Variants in DLST observed in about 807,000 individuals in gnomAD.
DLST encodes the protein dihydrolipoamide S-succinyltransferase.
DLST carries 17 observed loss-of-function variants against 53.1 expected under a neutral mutation model. The ratio of observed to expected loss-of-function variants is 0.32; its 90% CI spans 0.22 to 0.48. The LOEUF is 0.48. Among genes scored for constraint, DLST ranks in the 20% least tolerant of loss-of-function variants. The probability of loss-of-function intolerance (pLI) is 0.99; values close to 1 mark genes in which losing one functional copy is unlikely to be tolerated. For synonymous variants in DLST, 206 were observed against 204.8 expected (o/e 1.01, Z -0.05); for missense variants, 512 against 583.9 (o/e 0.88, Z 1.27).
intron 2 of DLST, among the ~76,000 whole-genome samples, chr14:74,883,375 A>T (rs769094907): frequency 2.2e-4 from 33 of 152,094 alleles, no homozygotes; most frequent in Non-Finnish European, 4.6e-4. Flanking sequence ...AGAGAATGGC[A>T]TTCACAAAGA....
rs112167935 is a variant in DLST at position 74,895,614 on chromosome 14, T to TG, written c.770+1206dup. On this transcript the variant is annotated intron_variant, in intron 10 of 14. Coordinates refer to ENST00000334220, the MANE Select transcript of DLST (RefSeq NM_001933.5). ...ACATAAAATTTAAAAATTAGCCAAG[T>TG]GAGGGCTGGGTGCGGTGGCTTGCGC... 4.3e-3 allele frequency among the ~76,000 whole-genome samples: 655 copies of TG among 151,966 alleles called. 3 individuals are homozygous for TG. The highest frequency in any genetic ancestry group is 0.015 in the African/African-American group (634 of 41,460).
chr14:74,892,447 A>T (rs1883941213), intron 7 of DLST, among the ~76,000 whole-genome samples: 1 of 152,102 alleles, frequency 6.6e-6, no homozygotes, highest in South Asian at 2.1e-4. Context: ...AAAATAGAGG[A>T]TGAAGAGTAT....
intron 2 of DLST, among the ~76,000 whole-genome samples, chr14:74,883,004 T>C (rs1883581899): frequency 6.6e-6 from 1 of 152,182 alleles, no homozygotes; most frequent in African/African-American, 2.4e-5. Context: ...ACTTAAAAGT[T>C]ATGGCCATGG....
intron 2 of DLST, among the ~76,000 whole-genome samples, chr14:74,883,460 G>C (rs1883601011): frequency 6.6e-6 from 1 of 152,154 alleles, no homozygotes; most frequent in African/African-American, 2.4e-5. Context: ...TTTTGGTTAA[G>C]GGAGAGAGTG....
In DLST at chr14:74,902,308, G is replaced by C. The variant is rs754135515; in HGVS notation, c.1340G>C (p.Arg447Thr). 6.2e-7 allele frequency: 1 copy of C among 1,612,278 alleles called. No individual in the cohort carries two copies. Among genetic ancestry groups the C allele is most frequent in the African/African-American group, 1.3e-5 (1 of 74,874 alleles). The change falls in exon 15 of 15, where the codon AGA (arginine) becomes ACA (threonine). Residue 447 changes from arginine (R) to threonine (T), a missense_variant. Around this residue, in one of 4 missense-constraint regions of DLST, gnomAD observed 186 missense variants for 260.4 expected, o/e 0.71. Coordinates refer to ENST00000334220, the MANE Select transcript of DLST (RefSeq NM_001933.5). ...ATCAAGGCAGCGGTAGAGGATCCCA[G>C]AGTCCTCCTCCTGGATCTTTAGGAG... The part of the protein sequence containing the change: ...RKIKAAVEDP[R>T]VLLLDL
intron 11 of DLST, 126 bp from the exon 12 acceptor site, chr14:74,899,797 C>T (rs1265428473): frequency 1.5e-6 from 1 of 676,316 alleles, no homozygotes; most frequent in East Asian, 2.6e-5. Flanking sequence ...CAGTGGTGTT[C>T]ATGGTGGTTG....
intron 9 of DLST, 74 bp downstream of exon 9, chr14:74,893,498 A>G (rs2140196014): frequency 6.6e-7 from 1 of 1,525,770 alleles, no homozygotes; most frequent in Non-Finnish European, 9.1e-7. Flanking sequence ...GGGTGTGGTG[A>G]TGCCTACCTT....
intron 10 of DLST, among the ~76,000 whole-genome samples, chr14:74,897,010 A>G (rs144971094): frequency 1.5e-4 from 23 of 152,194 alleles, no homozygotes; most frequent in South Asian, 1.2e-3. Flanking sequence ...CCCTTCCTCT[A>G]TTGTCCCAGC....
At chr14:74,882,564 C>A (rs779681114) in intron 1 of DLST, 27 bp from the exon 2 acceptor site, 36 of 1,612,072 alleles carry the variant, frequency 2.2e-5, no homozygotes, top group Admixed American at 5.0e-5. Flanking sequence ...TCTTGGGTGA[C>A]GTCGATAATG....
At chr14:74,889,387 T>TG (rs397973395) in intron 5 of DLST, 38 bp downstream of exon 5, 6 of 1,430,278 alleles carry the variant, frequency 4.2e-6, no homozygotes, top group Admixed American at 2.0e-5. Flanking sequence ...TTTTTTTTTT[T>TG]GAGACAGAGT....
At chr14:74,898,770 C>G (rs1025944047) in intron 11 of DLST, among the ~76,000 whole-genome samples, 16 of 152,334 alleles carry the variant, frequency 1.1e-4, no homozygotes, top group African/African-American at 3.6e-4. Flanking sequence ...GCCCAGCTCT[C>G]CAGGCTGTCT....
chr14:74,882,656 C>T (rs1883566589), intron 2 of DLST, 32 bp downstream of exon 2: 1 of 1,610,734 alleles, frequency 6.2e-7, no homozygotes, highest in African/African-American at 1.3e-5. Flanking sequence ...ACCTAAAATG[C>T]TCTCCTCCTG....
intron 9 of DLST, 133 bp from the exon 10 acceptor site, chr14:74,894,179 C>G: frequency 6.8e-6 from 7 of 1,025,792 alleles, no homozygotes; most frequent in Non-Finnish European, 9.7e-6. Flanking sequence ...AAAGGGAAGC[C>G]TGGAGCTCGT....
chr14:74,890,123 A>AT (rs1883852423), intron 6 of DLST, among the ~76,000 whole-genome samples, 171 bp downstream of exon 6: 1 of 132,922 alleles, frequency 7.5e-6, no homozygotes, highest in East Asian at 2.1e-4. Context: ...TTTACATTTA[A>AT]CTTTTTTTTT....
chr14:74,900,014 G>T lies in DLST; in HGVS notation c.975+18G>T. 1 of 1,604,408 alleles carries T rather than the reference G, an allele frequency of 6.2e-7. No homozygotes were observed. Among genetic ancestry groups the T allele is most frequent in the Non-Finnish European group, 8.5e-7 (1 of 1,172,060 alleles). On this transcript the variant is annotated intron_variant, in intron 12 of 14. Transcript: ENST00000334220. ...CCCCACGGGTATGTTGGGGCAGGAG[G>T]TGGGGAATGTTGGTCTTAGACCCTC... is the stretch of plus-strand genomic sequence containing the variant.
chr14:74,881,984 G>C lies in DLST; in HGVS notation c.31G>C (p.Ala11Pro). MLSRSRCVSR[A>P]FSRSLSAFQK... The stretch of plus-strand genomic sequence containing the variant: ...GTCCCGATCCCGCTGTGTGTCTCGG[G>C]CGTTCAGCCGCTCGCTCTCCGCCTT... Residue 11 changes from alanine to proline, a missense_variant, in exon 1 of 15, where the codon GCG becomes CCG. Physicochemically the swap from Ala to Pro is conservative, Grantham distance 27 (BLOSUM62 -1). Around this residue, in one of 4 missense-constraint regions of DLST, gnomAD observed 129 missense variants for 90.9 expected, o/e 1.42. Transcript: ENST00000334220. 1 of 1,572,672 alleles carries C rather than the reference G, an allele frequency of 6.4e-7. No homozygotes were observed. Among genetic ancestry groups the C allele is most frequent in the Non-Finnish European group, 8.6e-7 (1 of 1,167,502 alleles).
At chr14:74,882,648 C>T (rs377750014) in intron 2 of DLST, 24 bp downstream of exon 2, 1 of 1,612,570 alleles carries the variant, frequency 6.2e-7, no homozygotes, top group Admixed American at 1.7e-5. Context: ...TTACCGTCAC[C>T]TAAAATGCTC....
chr14:74,895,121 G>A (rs1461014390), intron 10 of DLST, among the ~76,000 whole-genome samples: 1 of 152,110 alleles, frequency 6.6e-6, no homozygotes, highest in East Asian at 1.9e-4. Context: ...CAGCTACTTG[G>A]GGGGCTGAGA....
At chr14:74,900,940 G>A in intron 13 of DLST, 126 bp from the exon 14 acceptor site, 2 of 959,794 alleles carry the variant, frequency 2.1e-6, no homozygotes, top group Non-Finnish European at 3.1e-6. Context: ...TGCCCAGGTT[G>A]GCCTTGAACT....
Sources: gnomAD v4.1 joint callset for allele counts (sites outside exome capture counted in the v4.1 genomes callset) on GRCh38, gnomAD v4.1.1 for gene constraint, gnomAD v4.1.1 regional missense constraint, MANE v1.5 for transcripts, NCBI Gene and HGNC (gene_info 2026-07-23, HGNC 2026-07-21) for gene names.